The following PKN2 variants were observed in gnomAD, a reference collection of about 807,000 sequenced individuals.
The protein encoded by PKN2 is serine/threonine-protein kinase N2.
PKN2 carries 38 observed loss-of-function variants against 119.1 expected under a neutral mutation model. That is an observed-to-expected ratio of 0.32 (90% CI 0.25 to 0.42). The LOEUF (loss-of-function observed/expected upper bound fraction) is 0.42. Ranked by LOEUF, PKN2 falls within the 10% of genes least tolerant of loss-of-function variation. The pLI is 1.00. For missense variants in PKN2, 850 were observed against 1,165.1 expected (o/e 0.73, Z 3.94); for synonymous variants, 390 against 384.9 (o/e 1.01, Z -0.15).
At chr1:88,828,764 G>A in intron 19 of PKN2, 141 bp downstream of exon 19, 1 of 672,456 alleles carries the variant, frequency 1.5e-6, no homozygotes, top group East Asian at 2.8e-5. Context: ...CTAGTAGTCA[G>A]CTATCTTTCT....
chr1:88,715,939 A>G (rs778610818), intron 1 of PKN2, among the ~76,000 whole-genome samples: 3 of 152,210 alleles, frequency 2.0e-5, no homozygotes, highest in Non-Finnish European at 4.4e-5. Flanking sequence ...TTAGTGCTAT[A>G]AATTTCTCTT....
intron 3 of PKN2, among the ~76,000 whole-genome samples, chr1:88,763,561 C>T (rs1669531315): frequency 7.2e-6 from 1 of 139,312 alleles, no homozygotes; most frequent in Non-Finnish European, 1.5e-5. Flanking sequence ...GAGCCAAGAT[C>T]GTGCCATTGC....
At chr1:88,685,244 C>T (rs990377152) in intron 1 of PKN2, 15 of 151,658 alleles carry the variant, frequency 9.9e-5, no homozygotes, top group African/African-American at 3.6e-4. Flanking sequence ...TTTTTCTTTT[C>T]TTTTCCTTTC....
chr1:88,730,876 A>G (rs1252978618), intron 1 of PKN2, among the ~76,000 whole-genome samples: 2 of 152,258 alleles, frequency 1.3e-5, no homozygotes, highest in Non-Finnish European at 2.9e-5. Flanking sequence ...CTTTAGCATG[A>G]TTGCAGTATC....
chr1:88,770,497 A>G, intron 4 of PKN2, 28 bp downstream of exon 4: 1 of 1,146,996 alleles, frequency 8.7e-7, no homozygotes, highest in Non-Finnish European at 1.3e-6. Flanking sequence ...CCTCCTTCTT[A>G]TGAGCATAAT....
chr1:88,684,475 T>C lies in PKN2; in HGVS notation c.-106T>C. 1.1e-6 allele frequency: 1 copy of C among 948,656 alleles called. No individual in the cohort carries two copies. The highest frequency in any genetic ancestry group is 1.5e-6 in the Non-Finnish European group (1 of 656,598). The allele number at this position is 948,656 out of a possible 1,614,324, so 58.8% of individuals were successfully genotyped here. On this transcript the variant is annotated 5_prime_UTR_variant, in exon 1 of 22. Coordinates refer to ENST00000370521, the MANE Select transcript of PKN2 (RefSeq NM_006256.4). ...TCCATGAATCCCTAGTTGTTTTTTT[T>C]TTTTTCTTTCTCTCCCCTCTCCTCA... is the stretch of plus-strand genomic sequence containing the variant.
At chr1:88,721,124 G>C (rs567256560) in intron 1 of PKN2, among the ~76,000 whole-genome samples, 195 of 150,986 alleles carry the variant, frequency 1.3e-3, no homozygotes, top group Non-Finnish European at 2.3e-3. Flanking sequence ...TTTTTTTTTC[G>C]TCTGGGTAGA....
intron 2 of PKN2, among the ~76,000 whole-genome samples, chr1:88,748,826 T>C (rs1476035983): frequency 6.6e-6 from 1 of 152,092 alleles, no homozygotes; most frequent in South Asian, 2.1e-4. Context: ...TCCCAGCTAC[T>C]TGGGAGGCTG....
chr1:88,763,728 C>T (rs1669543925), intron 3 of PKN2, among the ~76,000 whole-genome samples: 1 of 152,012 alleles, frequency 6.6e-6, no homozygotes, highest in South Asian at 2.1e-4. Context: ...GGTTAAATAG[C>T]TTCCTTTCTC....
chr1:88,748,151 C>T (rs1472379622), intron 2 of PKN2, among the ~76,000 whole-genome samples: 1 of 152,054 alleles, frequency 6.6e-6, no homozygotes, highest in African/African-American at 2.4e-5. Context: ...GTATACCTTT[C>T]CATGAATTTT....
intron 1 of PKN2, among the ~76,000 whole-genome samples, chr1:88,693,384 T>A (rs962242685): frequency 6.6e-6 from 1 of 152,234 alleles, no homozygotes; most frequent in African/African-American, 2.4e-5. Flanking sequence ...TTGCTGTGCA[T>A]CTTTTGATAA....
intron 9 of PKN2, 124 bp downstream of exon 9, chr1:88,804,658 A>C: frequency 1.1e-6 from 1 of 912,940 alleles, no homozygotes; most frequent in Non-Finnish European, 1.7e-6. Context: ...TGGCTGAGCT[A>C]TGCCACTGAA....
Position 88,835,500 on chromosome 1 carries a change from A to G in PKN2, c.*2052A>G, listed in dbSNP as rs1672905600. On this transcript the variant is annotated 3_prime_UTR_variant, in exon 22 of 22. Transcript: ENST00000370521. The stretch of plus-strand genomic sequence containing the variant: ...GAAGTCAATCACTAAAAAAATTAGA[A>G]GGCAGGGTCTATTTACACAATTAAG... The G allele has an allele frequency of 6.6e-6, 1 of 151,318 alleles. No individual in the cohort carries two copies. Among genetic ancestry groups the G allele is most frequent in the Non-Finnish European group, 1.5e-5 (1 of 67,908 alleles). 9.4% of individuals were successfully genotyped at this position (151,318 alleles called of 1,614,324 possible). A position where few individuals can be genotyped will look rare whatever the true frequency, so the allele number is the denominator to read the frequency against.
intron 8 of PKN2, among the ~76,000 whole-genome samples, chr1:88,789,460 C>T (rs1340345529): frequency 2.6e-5 from 4 of 151,930 alleles, no homozygotes; most frequent in Non-Finnish European, 5.9e-5. Context: ...TTCAGGAGTT[C>T]AAGACCATCC....
chr1:88,751,682 G>A (rs1222009502), intron 2 of PKN2, among the ~76,000 whole-genome samples: 1 of 152,002 alleles, frequency 6.6e-6, no homozygotes, highest in Non-Finnish European at 1.5e-5. Context: ...ATTCTATACA[G>A]TCATTGTTGG....
chr1:88,807,258 A>C (rs1671583368), intron 12 of PKN2, 55 bp from the exon 13 acceptor site: 8 of 1,148,844 alleles, frequency 7.0e-6, no homozygotes, highest in Admixed American at 2.6e-5. Flanking sequence ...ATCATTATCA[A>C]ATAAGTTGTT....
intron 1 of PKN2, among the ~76,000 whole-genome samples, chr1:88,721,426 T>C (rs2100705990): frequency 6.6e-6 from 1 of 152,302 alleles, no homozygotes; most frequent in African/African-American, 2.4e-5. Flanking sequence ...CGGAACTAAT[T>C]ATCATTATTT....
chr1:88,802,237 TGTAGA>T (rs537977675), intron 8 of PKN2, among the ~76,000 whole-genome samples: 151 of 152,306 alleles, frequency 9.9e-4, no homozygotes, highest in Admixed American at 4.1e-3. Flanking sequence ...AAAACTTTAA[TGTAGA>T]GTATAGAATT....
intron 19 of PKN2, among the ~76,000 whole-genome samples, chr1:88,830,514 CAAGT>C (rs1370147822): frequency 2.0e-5 from 3 of 151,870 alleles, no homozygotes; most frequent in Non-Finnish European, 4.4e-5. Flanking sequence ...ATGTAGTATT[CAAGT>C]AAGTATGAGA....
Sources: gnomAD v4.1 joint callset for allele counts (sites outside exome capture counted in the v4.1 genomes callset) on GRCh38, gnomAD v4.1.1 for gene constraint, MANE v1.5 for transcripts, NCBI Gene and HGNC (gene_info 2026-07-23, HGNC 2026-07-21) for gene names.